The following EIF2A variants were observed in gnomAD, a reference collection of about 807,000 sequenced individuals.
EIF2A encodes 65 kDa eukaryotic translation initiation factor 2A.
In EIF2A, 62 loss-of-function variants were observed where a neutral mutation model predicts 75.2. That is an observed-to-expected ratio of 0.82 (90% confidence interval 0.67 to 1.02). EIF2A has a LOEUF of 1.02. Among genes scored for constraint, EIF2A ranks in the 50% least tolerant of loss-of-function variants. The pLI is 0.00. For synonymous variants in EIF2A, 207 were observed against 239.0 expected (o/e 0.87, Z 1.23); for missense variants, 611 against 677.7 (o/e 0.90, Z 1.09).
At position 150,585,984 on chromosome 3, in the gene EIF2A, A is replaced by T. The variant is rs1725458581; in HGVS notation, c.*2073A>T. Among the ~76,000 whole-genome samples, 2 of 152,204 alleles carry T rather than the reference A, an allele frequency of 1.3e-5. No homozygotes were observed. The highest frequency in any genetic ancestry group is 2.9e-5 in the Non-Finnish European group (2 of 68,042). On this transcript the variant is annotated 3_prime_UTR_variant, in exon 14 of 14. Coordinates refer to ENST00000460851, the MANE Select transcript of EIF2A (RefSeq NM_032025.5). ...TCATCTCAGACTTCTAACCTCCAGAACTGTGAGAAAATAAACTTCTTTGTT... is the reference window on the plus strand; with the variant it reads ...TCATCTCAGACTTCTAACCTCCAGATCTGTGAGAAAATAAACTTCTTTGTT...
chr3:150,582,087 G>A (rs181314869), intron 12 of EIF2A, among the ~76,000 whole-genome samples: 8 of 151,800 alleles, frequency 5.3e-5, no homozygotes, highest in African/African-American at 7.3e-5. Context: ...TGCAACCTCC[G>A]CCTCCCAGGT....
intron 12 of EIF2A, among the ~76,000 whole-genome samples, chr3:150,582,159 C>T (rs1298705807): frequency 6.6e-6 from 1 of 151,630 alleles, no homozygotes; most frequent in African/African-American, 2.4e-5. Context: ...CGCCACCACG[C>T]CTGGCTAATT....
rs769898889 is a variant in EIF2A at position 150,572,195 on chromosome 3, A to G, written c.1049A>G (p.Lys350Arg). 7 of 1,613,898 alleles carry G rather than the reference A, an allele frequency of 4.3e-6. No individual in the cohort carries two copies. The highest frequency in any genetic ancestry group is 3.3e-5 in the South Asian group (3 of 91,072). ...QMEVWDVKNY[K>R]LISKPVASDS... ...GAAGTGTGGGATGTGAAAAACTACA[A>G]ACTTATTTCTAAACCGGTGGCTTCT... Residue 350 changes from lysine (K) to arginine (R), a missense_variant, in exon 10 of 14, where the codon AAA (lysine) becomes AGA (arginine). Physicochemically the swap from Lys to Arg is conservative, Grantham distance 26 (BLOSUM62 2). Transcript: ENST00000460851.
At chr3:150,564,247 T>A (rs898245081) in intron 5 of EIF2A, 52 bp from the exon 6 acceptor site, 3 of 1,367,052 alleles carry the variant, frequency 2.2e-6, no homozygotes, top group Non-Finnish European at 3.0e-6. Context: ...TAATGTGATG[T>A]TACATTCTGT....
chr3:150,572,047 A>G lies in EIF2A; in HGVS notation c.901A>G (p.Ile301Val), dbSNP rs773742465. ...TGGTTTTATGCCTGCCAAAGCGACAATTTTCAACTTGAAATGTGATCCTGT... is the reference window on the plus strand; with the variant it reads ...TGGTTTTATGCCTGCCAAAGCGACAGTTTTCAACTTGAAATGTGATCCTGT... ...VYGFMPAKAT[I>V]FNLKCDPVFD... Residue 301 changes from isoleucine to valine, a missense_variant, in exon 10 of 14, where the codon ATT becomes GTT. By Grantham distance (29) the Ile-to-Val change is conservative. Coordinates refer to ENST00000460851, the MANE Select transcript of EIF2A (RefSeq NM_032025.5). 2.5e-6 allele frequency: 4 copies of G among 1,613,904 alleles called. No homozygotes were observed. The highest frequency in any genetic ancestry group is 1.3e-5 in the African/African-American group (1 of 75,002).
chr3:150,564,425 G>A (rs770523264), intron 6 of EIF2A, 44 bp downstream of exon 6: 71 of 1,447,854 alleles, frequency 4.9e-5, no homozygotes, highest in South Asian at 4.1e-4. Context: ...TACTGTAATC[G>A]TATACAGTTT....
Position 150,566,973 on chromosome 3 carries a change from G to A in EIF2A, c.476-720G>A, listed in dbSNP as rs757786358. ...TTATGCATTTTATTTTCCTGTGTTT[G>A]AGGCGCACTGTCACCTCACTGTTTC... is the stretch of plus-strand genomic sequence containing the variant. On this transcript the variant is annotated intron_variant, in intron 6 of 13. Coordinates refer to ENST00000460851, the MANE Select transcript of EIF2A (RefSeq NM_032025.5). The A allele has an allele frequency of 5.9e-5, 9 of 152,272 alleles. No homozygotes were observed. In the South Asian group the frequency reaches 1.7e-3, roughly 28 times the overall value. 9.4% of individuals were successfully genotyped at this position (152,272 alleles called of 1,614,324 possible). A position where few individuals can be genotyped will look rare whatever the true frequency, so the allele number is the denominator to read the frequency against.
At chr3:150,583,750 A>T in intron 13 of EIF2A, 96 bp from the exon 14 acceptor site, 1 of 1,139,098 alleles carries the variant, frequency 8.8e-7, no homozygotes, top group Non-Finnish European at 1.3e-6. Flanking sequence ...ACTAGTGAAC[A>T]TAATAAATTG....
intron 3 of EIF2A, among the ~76,000 whole-genome samples, chr3:150,559,347 G>T (rs1190367347): frequency 1.3e-5 from 2 of 151,846 alleles, no homozygotes; most frequent in East Asian, 3.9e-4. Flanking sequence ...AAAAAAAATT[G>T]GTCTTTTATT....
rs930174114 is a variant in EIF2A, at chr3:150,554,214, G to A, written c.98+1789G>A. Among the ~76,000 whole-genome samples, 18 of 151,690 alleles carry A rather than the reference G, an allele frequency of 1.2e-4. No individual in the cohort carries two copies. In the South Asian group the frequency reaches 1.2e-3, roughly 11 times the overall value. ...ATGTCAAGTATATAAATGCTCCCCC[G>A]AAAAATCCCCCCTCCGTTTAAACCT... On this transcript the variant is annotated intron_variant, in intron 2 of 13. Coordinates refer to ENST00000460851, the MANE Select transcript of EIF2A (RefSeq NM_032025.5).
chr3:150,570,267 T>G (rs1724433153), intron 9 of EIF2A, among the ~76,000 whole-genome samples: 1 of 152,012 alleles, frequency 6.6e-6, no homozygotes, highest in Non-Finnish European at 1.5e-5. Context: ...TTAAGCAAAA[T>G]GAACAAAAAG....
At chr3:150,557,078 G>A (rs1019982042) in intron 2 of EIF2A, among the ~76,000 whole-genome samples, 4 of 152,174 alleles carry the variant, frequency 2.6e-5, no homozygotes, top group African/African-American at 9.7e-5. Context: ...TTTAATTTGA[G>A]GGAAGGACTG....
chr3:150,567,792 A>C (rs751611547), intron 7 of EIF2A, 26 bp downstream of exon 7: 68 of 1,570,884 alleles, frequency 4.3e-5, no homozygotes, highest in Non-Finnish European at 5.8e-5. Context: ...GTTTATGTGT[A>C]ATATTATGTG....
At chr3:150,553,336 A>C (rs1441223302) in intron 2 of EIF2A, among the ~76,000 whole-genome samples, 1 of 152,062 alleles carries the variant, frequency 6.6e-6, no homozygotes, top group Non-Finnish European at 1.5e-5. Flanking sequence ...AAAAAAAAAA[A>C]AAAAAATTGG....
intron 2 of EIF2A, among the ~76,000 whole-genome samples, chr3:150,554,939 T>G (rs1477515823): frequency 1.4e-5 from 1 of 71,764 alleles, no homozygotes; most frequent in African/African-American, 3.6e-5. Context: ...TTATATGCAC[T>G]TTTTTTTTTC....
chr3:150,548,502 A>G (rs955409489), intron 1 of EIF2A, among the ~76,000 whole-genome samples: 8 of 152,216 alleles, frequency 5.3e-5, no homozygotes, highest in African/African-American at 1.9e-4. Flanking sequence ...CCTGGTAGAC[A>G]ATAGATACTC....
intron 2 of EIF2A, among the ~76,000 whole-genome samples, chr3:150,556,737 C>T (rs1200888700): frequency 6.6e-6 from 1 of 151,966 alleles, no homozygotes; most frequent in African/African-American, 2.4e-5. Context: ...AAAAATTATA[C>T]CAGAAGGAAA....
chr3:150,562,855 T>C, intron 4 of EIF2A, 195 bp downstream of exon 4: 1 of 432,282 alleles, frequency 2.3e-6, no homozygotes, highest in Non-Finnish European at 4.1e-6. Flanking sequence ...AATTTCAAGG[T>C]ATATGGTAAG....
chr3:150,549,822 G>A (rs1203870103), intron 1 of EIF2A, among the ~76,000 whole-genome samples: 3 of 152,134 alleles, frequency 2.0e-5, no homozygotes, highest in East Asian at 1.9e-4. Flanking sequence ...TGTCCATTAC[G>A]TGAAATTCAC....
Sources: gnomAD v4.1 joint callset for allele counts (sites outside exome capture counted in the v4.1 genomes callset) on GRCh38, gnomAD v4.1.1 for gene constraint, MANE v1.5 for transcripts, NCBI Gene and HGNC (gene_info 2026-07-23, HGNC 2026-07-21) for gene names.